The following ZC3H12B variants were observed in gnomAD, a reference collection of about 807,000 sequenced individuals.
ZC3H12B encodes zinc finger CCCH-type containing 12B.
Under a neutral mutation model 43.9 loss-of-function variants are expected in ZC3H12B, and 7 were observed. That is an observed-to-expected ratio of 0.16 (90% CI 0.09 to 0.30). ZC3H12B has a LOEUF of 0.30. Among genes scored for constraint, ZC3H12B ranks in the 10% least tolerant of loss-of-function variants. The probability of loss-of-function intolerance (pLI) is 1.00; values close to 1 mark genes in which losing one functional copy is unlikely to be tolerated. For missense variants in ZC3H12B, 475 were observed against 670.2 expected, an observed-to-expected ratio of 0.71 and a Z score of 3.22; for synonymous variants, 222 against 241.7, an observed-to-expected ratio of 0.92 and a Z score of 0.76.
At chrX:65,477,266 G>A (rs1208052577) in intron 3 of ZC3H12B, among the ~76,000 whole-genome samples, 3 of 109,555 alleles carry the variant, frequency 2.7e-5, no homozygotes, top group Non-Finnish European at 5.7e-5. Context: ...CTAAATCTGA[G>A]GCAGGGATTG....
At chrX:65,408,686 G>T in intron 3 of ZC3H12B, 1 of 908,683 alleles carries the variant, frequency 1.1e-6, no homozygotes, top group Non-Finnish European at 1.6e-6. Flanking sequence ...GCCAGATTAG[G>T]ACTTTGTCCT....
chrX:65,146,150 C>G, the ZC3H12B span, among the ~76,000 whole-genome samples: 1 of 110,742 alleles, frequency 9.0e-6, no homozygotes, highest in South Asian at 3.9e-4. Context: ...AACATAATCC[C>G]AGGGTTTTGG....
At chrX:65,135,007 C>A in the ZC3H12B span, among the ~76,000 whole-genome samples, 2 of 111,097 alleles carry the variant, frequency 1.8e-5, no homozygotes, top group African/African-American at 3.3e-5. Context: ...ATTTTTACTT[C>A]TTTTGTGATT....
chrX:65,109,117 CATA>C, the ZC3H12B span, among the ~76,000 whole-genome samples: 1 of 111,596 alleles, frequency 9.0e-6, no homozygotes, highest in African/African-American at 3.2e-5. Flanking sequence ...TCCTAGAGTA[CATA>C]ATGACTAAAA....
intron 2 of ZC3H12B, among the ~76,000 whole-genome samples, chrX:65,497,563 T>A (rs2068306612): frequency 8.9e-6 from 1 of 112,249 alleles, no homozygotes; most frequent in Non-Finnish European, 1.9e-5. Context: ...ATGAATCTGG[T>A]TATGAGCATG....
chrX:65,296,389 A>G, the ZC3H12B span, among the ~76,000 whole-genome samples: 3 of 110,986 alleles, frequency 2.7e-5, no homozygotes, highest in East Asian at 8.5e-4. Flanking sequence ...AAGACTACAC[A>G]TTTGGGTACA....
chrX:65,317,770 CTA>C, the ZC3H12B span, among the ~76,000 whole-genome samples: 37 of 99,374 alleles, frequency 3.7e-4, no homozygotes, highest in East Asian at 4.6e-3. Flanking sequence ...CACACACACA[CTA>C]TATATATATA....
the ZC3H12B span, among the ~76,000 whole-genome samples, chrX:65,129,830 G>A: frequency 1.1e-4 from 12 of 111,180 alleles, no homozygotes; most frequent in Non-Finnish European, 2.3e-4. Context: ...GGGGCGGCAT[G>A]GGAACCTAGA....
the ZC3H12B span, among the ~76,000 whole-genome samples, chrX:65,106,303 A>G: frequency 1.8e-5 from 2 of 112,164 alleles, no homozygotes; most frequent in Non-Finnish European, 3.8e-5. Flanking sequence ...AATGAATTAG[A>G]TAAGTAGAGA....
chrX:65,433,391 G>T (rs1569406754), intron 3 of ZC3H12B, among the ~76,000 whole-genome samples: 1 of 111,552 alleles, frequency 9.0e-6, no homozygotes, highest in African/African-American at 3.3e-5. Context: ...AGGTCTAATG[G>T]CTTCCATTTG....
the ZC3H12B span, among the ~76,000 whole-genome samples, chrX:65,233,007 T>C: frequency 2.7e-5 from 3 of 112,148 alleles, no homozygotes; most frequent in Non-Finnish European, 5.6e-5. Flanking sequence ...GGATGTGATT[T>C]ATATAATGAT....
intron 2 of ZC3H12B, among the ~76,000 whole-genome samples, chrX:65,384,535 A>T (rs1218272203): frequency 2.7e-5 from 3 of 111,501 alleles, no homozygotes; most frequent in African/African-American, 9.8e-5. Flanking sequence ...ATTTTTTTTA[A>T]AAAGGAAAAA....
chrX:65,287,644 C>T, the ZC3H12B span, among the ~76,000 whole-genome samples: 1 of 110,741 alleles, frequency 9.0e-6, no homozygotes, highest in Non-Finnish European at 1.9e-5. Flanking sequence ...ATTTCAAAAT[C>T]TGTGAGATAC....
intron 3 of ZC3H12B, among the ~76,000 whole-genome samples, chrX:65,455,445 C>T (rs765244599): frequency 9.0e-5 from 10 of 111,516 alleles, no homozygotes; most frequent in Non-Finnish European, 1.5e-4. Context: ...TAAAAAGAAA[C>T]GAATAAAGCC....
chrX:65,293,489 A>T, the ZC3H12B span, among the ~76,000 whole-genome samples: 1 of 110,588 alleles, frequency 9.0e-6, no homozygotes, highest in Non-Finnish European at 1.9e-5. Context: ...CCAGCAATGG[A>T]TCCAAACCAA....
intron 3 of ZC3H12B, among the ~76,000 whole-genome samples, chrX:65,454,594 A>T (rs139786797): frequency 0.016 from 1,779 of 112,094 alleles, 22 homozygotes; most frequent in African/African-American, 0.046. Context: ...ACCTCTGCAG[A>T]CTTAAGTGTC....
chrX:65,198,751 G>A, the ZC3H12B span, among the ~76,000 whole-genome samples: 1 of 111,602 alleles, frequency 9.0e-6, no homozygotes, highest in Non-Finnish European at 1.9e-5. Flanking sequence ...CTCTAGGTTT[G>A]GGAAGTTCTC....
the ZC3H12B span, among the ~76,000 whole-genome samples, chrX:65,241,401 C>T: frequency 9.2e-6 from 1 of 109,153 alleles, no homozygotes; most frequent in Non-Finnish European, 1.9e-5. Context: ...TCCCTGGAGC[C>T]GGCAGGCTAG....
upstream of ZC3H12B, among the ~76,000 whole-genome samples, chrX:65,364,666 C>T (rs922112402): frequency 1.8e-5 from 2 of 111,599 alleles, no homozygotes; most frequent in African/African-American, 6.5e-5. Context: ...ATTCTGTTGT[C>T]ATTTCATAAC....
Sources: gnomAD v4.1 joint callset for allele counts (sites outside exome capture counted in the v4.1 genomes callset) on GRCh38, gnomAD v4.1.1 for gene constraint, MANE v1.5 for transcripts, NCBI Gene and HGNC (gene_info 2026-07-23, HGNC 2026-07-21) for gene names.